Variants in DCC observed in about 807,000 individuals in gnomAD.
DCC encodes netrin receptor DCC.
DCC carries 58 observed loss-of-function variants against 172.5 expected under a neutral mutation model. The observed-to-expected ratio is 0.34, with a 90% CI of 0.27 to 0.42. The LOEUF is 0.42. Among genes scored for constraint, DCC ranks in the 10% least tolerant of loss-of-function variants. DCC has a pLI of 1.00. For synonymous variants in DCC, 709 were observed against 644.5 expected (o/e 1.10, Z -1.52); for missense variants, 1,740 against 1,791.0 (o/e 0.97, Z 0.51).
At chr18:52,586,099 A>C (rs904087761) in intron 1 of DCC, among the ~76,000 whole-genome samples, 16 of 149,874 alleles carry the variant, frequency 1.1e-4, no homozygotes, top group African/African-American at 2.2e-4. Flanking sequence ...AAAAAAAAAA[A>C]AAAAAAAAAC....
At chr18:53,041,727 C>T (rs963563758) in intron 5 of DCC, among the ~76,000 whole-genome samples, 1 of 152,064 alleles carries the variant, frequency 6.6e-6, no homozygotes, top group Non-Finnish European at 1.5e-5. Flanking sequence ...AGAGGTCCTT[C>T]ACATCCTTTG....
At chr18:52,824,974 A>G (rs1487777540) in intron 2 of DCC, among the ~76,000 whole-genome samples, 1 of 151,752 alleles carries the variant, frequency 6.6e-6, no homozygotes, top group Non-Finnish European at 1.5e-5. Context: ...CCTCATATAT[A>G]TATATATATG....
At chr18:52,609,615 T>G (rs2034207135) in intron 1 of DCC, among the ~76,000 whole-genome samples, 2 of 152,064 alleles carry the variant, frequency 1.3e-5, no homozygotes, top group Non-Finnish European at 2.9e-5. Context: ...GGCATCTTGA[T>G]TTTAAACATT....
At chr18:52,651,942 A>C (rs1289978851) in intron 1 of DCC, among the ~76,000 whole-genome samples, 1 of 152,208 alleles carries the variant, frequency 6.6e-6, no homozygotes, top group Non-Finnish European at 1.5e-5. Context: ...AAAGGAGTAT[A>C]AAAAACAGTG....
intron 27 of DCC, among the ~76,000 whole-genome samples, chr18:53,506,051 C>A (rs1258287081): frequency 6.6e-6 from 1 of 152,084 alleles, no homozygotes; most frequent in Non-Finnish European, 1.5e-5. Context: ...TGTATATCTA[C>A]CTGAGAAGTA....
At chr18:53,149,861 C>T (rs1197074695) in intron 7 of DCC, among the ~76,000 whole-genome samples, 1 of 152,174 alleles carries the variant, frequency 6.6e-6, no homozygotes, top group Non-Finnish European at 1.5e-5. Context: ...TAGCATACAA[C>T]TTTTATTTGG....
At chr18:52,394,275 T>G (rs1986135603) in intron 1 of DCC, among the ~76,000 whole-genome samples, 1 of 151,940 alleles carries the variant, frequency 6.6e-6, no homozygotes, top group African/African-American at 2.4e-5. Flanking sequence ...TGATTATTAT[T>G]ATTATTATTG....
intron 1 of DCC, among the ~76,000 whole-genome samples, chr18:52,746,974 G>C (rs764333810): frequency 1.3e-5 from 2 of 151,638 alleles, no homozygotes; most frequent in African/African-American, 2.4e-5. Context: ...AGGGGAGGAG[G>C]AGGAGGAGGA....
In DCC at chr18:53,526,646, A is replaced by G. The variant is rs982891608; in HGVS notation, c.4141A>G (p.Thr1381Ala). Residue 1381 changes from threonine to alanine, a missense_variant, in exon 28 of 29, where the codon ACA (threonine) becomes GCA (alanine). This residue lies in a region of DCC where 1,732 missense variants were observed against 1,767.4 expected (regional missense o/e 0.98). Coordinates refer to ENST00000442544, the MANE Select transcript of DCC (RefSeq NM_005215.4). Reference sequence around the variant, plus strand: ...CACTCTTCCTAAGACCCATGTGAAAACAGCCTCCCTTGGGTTGGCTGGAAA... The same window carrying G: ...CACTCTTCCTAAGACCCATGTGAAAGCAGCCTCCCTTGGGTTGGCTGGAAA... The part of the protein sequence containing the change: ...GPTLPKTHVK[T>A]ASLGLAGKAR... 1.2e-6 allele frequency: 2 copies of G among 1,613,422 alleles called. No homozygotes were observed. Among genetic ancestry groups the G allele is most frequent in the African/African-American group, 1.3e-5 (1 of 74,870 alleles).
intron 12 of DCC, among the ~76,000 whole-genome samples, chr18:53,224,717 C>G (rs1265407298): frequency 6.6e-6 from 1 of 152,008 alleles, no homozygotes; most frequent in Non-Finnish European, 1.5e-5. Flanking sequence ...AGAGCAAGAT[C>G]AAGGATATAG....
intron 7 of DCC, among the ~76,000 whole-genome samples, chr18:53,100,941 G>A (rs1466277617): frequency 6.8e-6 from 1 of 147,304 alleles, no homozygotes; most frequent in Non-Finnish European, 1.5e-5. Context: ...CAATTTTTAT[G>A]TAATGGGTGT....
intron 5 of DCC, among the ~76,000 whole-genome samples, chr18:52,940,447 T>C (rs2040443957): frequency 6.6e-6 from 1 of 152,138 alleles, no homozygotes; most frequent in Non-Finnish European, 1.5e-5. Context: ...GAAATTGGAC[T>C]AAGCCCAAAG....
At chr18:52,449,093 A>G (rs1002186825) in intron 1 of DCC, among the ~76,000 whole-genome samples, 1 of 152,252 alleles carries the variant, frequency 6.6e-6, no homozygotes, top group East Asian at 1.9e-4. Flanking sequence ...TATGCCTTAC[A>G]TGGATGGCAA....
intron 1 of DCC, among the ~76,000 whole-genome samples, chr18:52,415,034 A>T (rs1461724434): frequency 2.0e-5 from 3 of 152,230 alleles, no homozygotes; most frequent in African/African-American, 7.2e-5. Context: ...TACATATGCT[A>T]AAAGACTGAC....
chr18:52,792,834 TATTCC>T (rs58127650), intron 2 of DCC, among the ~76,000 whole-genome samples: 31 of 117,006 alleles, frequency 2.6e-4, no homozygotes, highest in Middle Eastern at 4.3e-3. Context: ...TATTCCATTC[TATTCC>T]ATTCCATTCC....
At chr18:52,897,537 T>C (rs2039748705) in intron 2 of DCC, among the ~76,000 whole-genome samples, 5 of 152,214 alleles carry the variant, frequency 3.3e-5, no homozygotes, top group Admixed American at 2.0e-4. Flanking sequence ...AGAAATAAAA[T>C]ACAGAAAACA....
intron 1 of DCC, among the ~76,000 whole-genome samples, chr18:52,636,467 G>C (rs1331473951): frequency 6.6e-6 from 1 of 152,116 alleles, no homozygotes; most frequent in Non-Finnish European, 1.5e-5. Flanking sequence ...CTCTCTGCCT[G>C]GGAAAGGTCT....
At chr18:52,829,651 A>G (rs1369039987) in intron 2 of DCC, among the ~76,000 whole-genome samples, 11 of 152,172 alleles carry the variant, frequency 7.2e-5, no homozygotes, top group Admixed American at 7.2e-4. Flanking sequence ...TGATACTTTA[A>G]AAAGCATGTG....
chr18:52,418,329 A>G (rs1287844533), intron 1 of DCC, among the ~76,000 whole-genome samples: 2 of 152,154 alleles, frequency 1.3e-5, no homozygotes, highest in African/African-American at 4.8e-5. Context: ...TCATACATGA[A>G]ATGAATAGAT....
Sources: gnomAD v4.1 joint callset for allele counts (sites outside exome capture counted in the v4.1 genomes callset) on GRCh38, gnomAD v4.1.1 for gene constraint, gnomAD v4.1.1 regional missense constraint, MANE v1.5 for transcripts, NCBI Gene and HGNC (gene_info 2026-07-23, HGNC 2026-07-21) for gene names.